PLCL2: variants seen among roughly 807,000 people sequenced by gnomAD.
PLCL2 encodes the protein inactive phospholipase C-like protein 2.
In PLCL2, 4 loss-of-function variants were observed where a neutral mutation model predicts 79.6. The ratio of observed to expected loss-of-function variants is 0.05; its 90% CI spans 0.02 to 0.11. The LOEUF is 0.11. Among genes scored for constraint, PLCL2 ranks in the 10% least tolerant of loss-of-function variants. The pLI is 1.00. For synonymous variants in PLCL2, 484 were observed against 457.7 expected (o/e 1.06, Z -0.73); for missense variants, 895 against 1,291.0 (o/e 0.69, Z 4.70).
chr3:16,930,220 A>G (rs1432054116), intron 1 of PLCL2, among the ~76,000 whole-genome samples: 3 of 152,214 alleles, frequency 2.0e-5, no homozygotes, highest in Non-Finnish European at 2.9e-5. Flanking sequence ...TAACTTGAGA[A>G]AGCAACCTCA....
At chr3:16,896,241 G>A (rs537444736) in intron 1 of PLCL2, among the ~76,000 whole-genome samples, 1 of 152,270 alleles carries the variant, frequency 6.6e-6, no homozygotes, top group South Asian at 2.1e-4. Context: ...CATTTCTGCT[G>A]CTGTGGACAC....
At chr3:17,062,890 C>T (rs1047433308) in intron 4 of PLCL2, among the ~76,000 whole-genome samples, 1 of 152,086 alleles carries the variant, frequency 6.6e-6, no homozygotes, top group Admixed American at 6.5e-5. Context: ...TTGTCACTAT[C>T]CCTAAGCAGC....
intron 4 of PLCL2, among the ~76,000 whole-genome samples, chr3:17,057,071 A>G (rs1363950234): frequency 6.6e-6 from 1 of 152,186 alleles, no homozygotes; most frequent in Non-Finnish European, 1.5e-5. Flanking sequence ...GCTGGGCCCA[A>G]TTATGGAAGC....
At chr3:17,029,027 G>A (rs62247182) in intron 3 of PLCL2, among the ~76,000 whole-genome samples, 23,273 of 152,028 alleles carry the variant, frequency 0.15, 2,273 homozygotes, top group Non-Finnish European at 0.2. Context: ...AAAATGCCTC[G>A]GGGAAGGGGG....
chr3:16,936,932 A>G (rs1348194331), intron 1 of PLCL2, among the ~76,000 whole-genome samples: 1 of 152,172 alleles, frequency 6.6e-6, no homozygotes, highest in African/African-American at 2.4e-5. Flanking sequence ...CAGCCTCAGT[A>G]CTATGAACAT....
intron 1 of PLCL2, among the ~76,000 whole-genome samples, chr3:16,917,532 C>G (rs1161927645): frequency 6.6e-6 from 1 of 152,150 alleles, no homozygotes; most frequent in Non-Finnish European, 1.5e-5. Flanking sequence ...GGTTCACTTC[C>G]AGGATGGCTT....
chr3:17,046,152 C>T (rs1048794750), intron 4 of PLCL2, among the ~76,000 whole-genome samples: 6 of 152,134 alleles, frequency 3.9e-5, no homozygotes, highest in African/African-American at 1.4e-4. Flanking sequence ...CAGGCGAACA[C>T]ATGCATACAT....
intron 4 of PLCL2, among the ~76,000 whole-genome samples, chr3:17,063,006 A>T (rs1164814884): frequency 6.6e-6 from 1 of 151,944 alleles, no homozygotes; most frequent in African/African-American, 2.4e-5. Context: ...TGCTCTGGCC[A>T]CATAAGCTAA....
In PLCL2 at chr3:16,949,015, A is replaced by G. The variant is rs186058131; in HGVS notation, c.328-60659A>G. On this transcript the variant is annotated intron_variant, in intron 1 of 5. Coordinates refer to ENST00000615277, the MANE Select transcript of PLCL2 (RefSeq NM_001144382.2). Reference sequence around the variant, plus strand: ...TGTTGGGTGCATTTTGGACTGCTACATAGCATTTATTATATGCATGTATGA... The same window carrying G: ...TGTTGGGTGCATTTTGGACTGCTACGTAGCATTTATTATATGCATGTATGA... 4.2e-3 allele frequency among the ~76,000 whole-genome samples: 636 copies of G among 152,382 alleles called. 2 individuals are homozygous for G. Among genetic ancestry groups the G allele is most frequent in the African/African-American group, 0.015 (611 of 41,584 alleles).
chr3:16,990,965 G>C (rs998410131), intron 1 of PLCL2, among the ~76,000 whole-genome samples: 6 of 152,248 alleles, frequency 3.9e-5, no homozygotes, highest in Admixed American at 1.3e-4. Context: ...TAGAGAGACA[G>C]GGAGCAGGTG....
At chr3:16,910,141 T>C (rs1404708433) in intron 1 of PLCL2, among the ~76,000 whole-genome samples, 1 of 152,210 alleles carries the variant, frequency 6.6e-6, no homozygotes, top group African/African-American at 2.4e-5. Context: ...TTCTGAGATT[T>C]CTTTCATATT....
Position 17,011,081 on chromosome 3 carries a change from G to T in PLCL2, c.1735G>T (p.Val579Leu), listed in dbSNP as rs771953585. The T allele has an allele frequency of 2.5e-6, 4 of 1,613,932 alleles. No homozygotes were observed. The Admixed American group carries it at 6.7e-5, about 27-fold the overall frequency. ...AKKLSSNCSG[V>L]EGDVTDEDEG... ...GAAGCTGTCCTCAAATTGCTCTGGG[G>T]TAGAAGGAGATGTTACTGACGAAGA... is the stretch of plus-strand genomic sequence containing the variant. The change falls in exon 2 of 6, where the codon GTA becomes TTA. Residue 579 changes from valine to leucine, a missense_variant. Val to Leu is a conservative substitution (Grantham distance 32, BLOSUM62 1). Around this residue, in one of 6 missense-constraint regions of PLCL2, gnomAD observed 242 missense variants for 399.5 expected, o/e 0.61. Transcript: ENST00000615277. The surrounding 1 kb of genome is among the most constrained non-coding windows in gnomAD (Gnocchi z 7.9).
chr3:16,932,515 A>G (rs17042893), intron 1 of PLCL2, among the ~76,000 whole-genome samples: 2,498 of 152,230 alleles, frequency 0.016, 68 homozygotes, highest in African/African-American at 0.056. Context: ...GTTTGGAGGT[A>G]TTTATTTTCA....
At chr3:17,001,624 G>T (rs902065157) in intron 1 of PLCL2, among the ~76,000 whole-genome samples, 1 of 152,020 alleles carries the variant, frequency 6.6e-6, no homozygotes. Context: ...TTTCCTTAAT[G>T]TATGTTCTTG....
At chr3:17,029,006 T>G (rs1462324948) in intron 3 of PLCL2, among the ~76,000 whole-genome samples, 1 of 152,124 alleles carries the variant, frequency 6.6e-6, no homozygotes, top group Non-Finnish European at 1.5e-5. Context: ...GATTTTTATT[T>G]CCATGCACAC....
chr3:17,032,349 A>T lies in PLCL2; in HGVS notation c.3019-10525A>T, dbSNP rs139807553. ...AAGTTTGGTTGTGACTTTATGGCTC[A>T]CTCACTTGTCTGCATAAAAATAAAA... is the stretch of plus-strand genomic sequence containing the variant. On this transcript the variant is annotated intron_variant, in intron 3 of 5. Coordinates refer to ENST00000615277, the MANE Select transcript of PLCL2 (RefSeq NM_001144382.2). Among the ~76,000 whole-genome samples, 241 of 152,202 alleles carry T rather than the reference A, an allele frequency of 1.6e-3. 2 individuals carry two copies. Among genetic ancestry groups the T allele is most frequent in the Non-Finnish European group, 1.9e-3 (131 of 67,998 alleles).
chr3:17,034,279 C>T (rs544680243), intron 3 of PLCL2, among the ~76,000 whole-genome samples: 3 of 152,234 alleles, frequency 2.0e-5, no homozygotes, highest in Non-Finnish European at 2.9e-5. Flanking sequence ...GGGATGGCAT[C>T]CTGTCCAGGG....
chr3:17,070,729 TGTCGA>T (rs1559539323), intron 5 of PLCL2, among the ~76,000 whole-genome samples: 1 of 152,206 alleles, frequency 6.6e-6, no homozygotes, highest in Non-Finnish European at 1.5e-5. Flanking sequence ...GCATGGGATC[TGTCGA>T]GTTCCTCCCA....
rs191946211 is a variant in PLCL2 at position 17,018,296 on chromosome 3, G to A, written c.3018+3385G>A. Among the ~76,000 whole-genome samples the A allele has an allele frequency of 3.3e-5, 5 of 152,276 alleles. No homozygotes were observed. The East Asian group carries it at 9.7e-4, about 29-fold the overall frequency. On this transcript the variant is annotated intron_variant, in intron 3 of 5. Coordinates refer to ENST00000615277, the MANE Select transcript of PLCL2 (RefSeq NM_001144382.2). The stretch of plus-strand genomic sequence containing the variant: ...TGCTAGAACCTAGAGCACAAAAGCT[G>A]CACATAGCAACCCTAGGTAGGGAAA...
Sources: allele counts gnomAD v4.1 joint callset (sites outside exome capture counted in the v4.1 genomes callset), GRCh38; gene constraint gnomAD v4.1.1; regional missense constraint gnomAD v4.1.1; non-coding constraint Gnocchi (gnomAD v3.1); transcripts MANE v1.5; gene names NCBI Gene and HGNC (gene_info 2026-07-23, HGNC 2026-07-21).